The following OSBPL8 variants were observed in gnomAD, a reference collection of about 807,000 sequenced individuals.
OSBPL8 encodes oxysterol-binding protein-related protein 8.
A neutral mutation model predicts 125.5 loss-of-function variants in OSBPL8; 59 were observed. That is an observed-to-expected ratio of 0.47 (90% CI 0.38 to 0.58). The LOEUF (loss-of-function observed/expected upper bound fraction) is 0.58, where lower values mean the gene tolerates loss of function less well. OSBPL8 is among the 20% of genes least tolerant of loss of function. The probability of loss-of-function intolerance (pLI) is 0.00; values close to 1 mark genes in which losing one functional copy is unlikely to be tolerated. For missense variants in OSBPL8, 758 were observed against 1,047.8 expected (o/e 0.72, Z 3.82); for synonymous variants, 330 against 338.9 (o/e 0.97, Z 0.29).
chr12:76,353,713 AC>A lies in OSBPL8; in HGVS notation c.*2175del, dbSNP rs1951895147. ...CAGTTCATAGAAAGAGACTCATACA[AC>A]TAAAAGCATAATAAGAGGACTATTA... On this transcript the variant is annotated 3_prime_UTR_variant, in exon 24 of 24. Transcript: ENST00000261183. 6.6e-6 allele frequency: 1 copy of A among 152,412 alleles called. No individual in the cohort carries two copies. Among genetic ancestry groups the A allele is most frequent in the South Asian group, 2.1e-4 (1 of 4,838 alleles). The allele number at this position is 152,412 out of a possible 1,614,324, so 9.4% of individuals were successfully genotyped here. A position where few individuals can be genotyped will look rare whatever the true frequency, so the allele number is the denominator to read the frequency against.
At chr12:76,425,559 A>C (rs984271302) in intron 4 of OSBPL8, among the ~76,000 whole-genome samples, 3 of 152,170 alleles carry the variant, frequency 2.0e-5, no homozygotes, top group Non-Finnish European at 2.9e-5. Context: ...TGTCATTACC[A>C]AAAAGTCCCC....
chr12:76,431,974 G>A (rs1021918348), intron 4 of OSBPL8, among the ~76,000 whole-genome samples: 2 of 152,108 alleles, frequency 1.3e-5, no homozygotes, highest in African/African-American at 4.8e-5. Flanking sequence ...TAGATCCTAT[G>A]TTAGGTAACC....
intron 1 of OSBPL8, among the ~76,000 whole-genome samples, chr12:76,501,580 A>C (rs528481474): frequency 9.2e-5 from 14 of 152,364 alleles, no homozygotes; most frequent in African/African-American, 3.4e-4. Flanking sequence ...GATACTAGTC[A>C]GCCTCTTTCT....
chr12:76,424,048 T>C (rs1235913670), intron 4 of OSBPL8, among the ~76,000 whole-genome samples: 1 of 152,138 alleles, frequency 6.6e-6, no homozygotes, highest in Non-Finnish European at 1.5e-5. Flanking sequence ...TCGCCCAGGC[T>C]AGAGTGCAGT....
At chr12:76,389,973 A>C (rs967563581) in intron 11 of OSBPL8, 144 bp from the exon 12 acceptor site, 6 of 582,580 alleles carry the variant, frequency 1.0e-5, no homozygotes, top group Admixed American at 4.0e-5. Flanking sequence ...TAATAATAAA[A>C]TCTATAGCTA....
Position 76,545,793 on chromosome 12 carries a change from T to C in OSBPL8, c.-68+13604A>G, listed in dbSNP as rs535578251. On this transcript the variant is annotated intron_variant, in intron 1 of 23. Transcript: ENST00000261183. ...CAAACAGGAACTGTGAAAACCAACA[T>C]AATTTGTGAATTAAGAATAACTACC... Among the ~76,000 whole-genome samples, 6 of 152,294 alleles carry C rather than the reference T, an allele frequency of 3.9e-5. No homozygotes were observed. The South Asian group carries it at 1.2e-3, about 32-fold the overall frequency.
intron 4 of OSBPL8, among the ~76,000 whole-genome samples, chr12:76,418,301 G>C (rs1389724760): frequency 6.6e-6 from 1 of 152,028 alleles, no homozygotes; most frequent in Non-Finnish European, 1.5e-5. Flanking sequence ...CACTGTGCCA[G>C]GCCGATTTTC....
chr12:76,390,538 C>G lies in OSBPL8; in HGVS notation c.1049G>C (p.Ser350Thr), dbSNP rs1953513882. The G allele has an allele frequency of 6.2e-7, 1 of 1,613,724 alleles. No homozygotes were observed. Among genetic ancestry groups the G allele is most frequent in the Admixed American group, 1.7e-5 (1 of 60,000 alleles). ...TGATGTATCTGTGTCACTTTCTTCACTTTTCCCCATCACCTCATTATCAGA... is the reference window on the plus strand; with the variant it reads ...TGATGTATCTGTGTCACTTTCTTCAGTTTTCCCCATCACCTCATTATCAGA... ...DESDNEVMGKSEESDTDTSER... is the reference protein window; with the variant it reads ...DESDNEVMGKTEESDTDTSER... Residue 350 changes from serine to threonine, a missense_variant, in exon 11 of 24, where the codon AGT (serine) becomes ACT (threonine). Transcript: ENST00000261183.
rs1953510408 is a variant in OSBPL8, at chr12:76,390,454, G to A, written c.1133C>T (p.Thr378Ile). 1 of 1,613,580 alleles carries A rather than the reference G, an allele frequency of 6.2e-7. No homozygotes were observed. Among genetic ancestry groups the A allele is most frequent in the African/African-American group, 1.3e-5 (1 of 74,884 alleles). Residue 378 changes from threonine to isoleucine, a missense_variant, in exon 11 of 24, where the codon ACC becomes ATC. Thr to Ile is a moderately conservative substitution (Grantham distance 89). Transcript: ENST00000261183. ...PEPVEPLKET[T>I]YTEQSHEELG... ...TTCTTCATGGCTCTGTTCAGTGTAG[G>A]TAGTCTCCTTTAAAGGCTCAACAGG... is the stretch of plus-strand genomic sequence containing the variant.
intron 12 of OSBPL8, among the ~76,000 whole-genome samples, chr12:76,387,606 T>C (rs1953371131): frequency 1.3e-5 from 2 of 152,284 alleles, no homozygotes; most frequent in Admixed American, 6.5e-5. Flanking sequence ...TGTTTTCTGT[T>C]TGTAATGTAG....
intron 1 of OSBPL8, among the ~76,000 whole-genome samples, chr12:76,533,303 GA>G (rs58740174): frequency 3.6e-4 from 54 of 152,050 alleles, no homozygotes; most frequent in Middle Eastern, 3.4e-3. Context: ...ATCATAAGGA[GA>G]AAAAAATGTT....
intron 1 of OSBPL8, among the ~76,000 whole-genome samples, chr12:76,492,063 TAATA>T (rs1438691965): frequency 2.0e-5 from 3 of 151,866 alleles, no homozygotes; most frequent in Admixed American, 1.3e-4. Flanking sequence ...ACAATAAAAA[TAATA>T]AATTAATAAA....
chr12:76,487,046 T>TTA (rs1294998631), intron 2 of OSBPL8, among the ~76,000 whole-genome samples: 5 of 148,218 alleles, frequency 3.4e-5, no homozygotes, highest in African/African-American at 1.0e-4. Context: ...TTTTTTTTTT[T>TTA]AGAGACCGAG....
At chr12:76,536,725 T>C (rs938376972) in intron 1 of OSBPL8, among the ~76,000 whole-genome samples, 8 of 150,252 alleles carry the variant, frequency 5.3e-5, no homozygotes, top group Middle Eastern at 3.4e-3. Flanking sequence ...AATGGTAATG[T>C]GCAGAAGAAC....
intron 1 of OSBPL8, among the ~76,000 whole-genome samples, chr12:76,544,894 T>C (rs1396628551): frequency 6.6e-6 from 1 of 152,098 alleles, no homozygotes; most frequent in East Asian, 1.9e-4. Context: ...ATACCATCTA[T>C]TTATTTCAGA....
chr12:76,355,613 T>C lies in OSBPL8; in HGVS notation c.*276A>G. 3.5e-6 allele frequency: 1 copy of C among 287,530 alleles called. No individual in the cohort carries two copies. The highest frequency in any genetic ancestry group is 7.2e-5 in the East Asian group (1 of 13,950). 17.8% of individuals were successfully genotyped at this position (287,530 alleles called of 1,614,324 possible). ...GGAGTACATAAGAGACAATTGTGTA[T>C]ACATGTGGGTTTATTATACTCATAT... On this transcript the variant is annotated 3_prime_UTR_variant, in exon 24 of 24. Transcript: ENST00000261183.
intron 1 of OSBPL8, among the ~76,000 whole-genome samples, chr12:76,509,578 G>A (rs1880773802): frequency 6.6e-6 from 1 of 152,088 alleles, no homozygotes; most frequent in Non-Finnish European, 1.5e-5. Context: ...ATGCTTCCTA[G>A]AGTATACTAA....
chr12:76,553,106 A>AC (rs1178526674), intron 1 of OSBPL8, among the ~76,000 whole-genome samples: 1 of 151,922 alleles, frequency 6.6e-6, no homozygotes, highest in Non-Finnish European at 1.5e-5. Flanking sequence ...AAAGCACCCC[A>AC]CCTCATTACT....
chr12:76,469,236 T>C (rs192608792), intron 2 of OSBPL8, among the ~76,000 whole-genome samples: 1 of 152,324 alleles, frequency 6.6e-6, no homozygotes, highest in Admixed American at 6.5e-5. Context: ...ATCAGTTTCC[T>C]ACCTTAACCA....
Sources: gnomAD v4.1 joint callset for allele counts (sites outside exome capture counted in the v4.1 genomes callset) on GRCh38, gnomAD v4.1.1 for gene constraint, MANE v1.5 for transcripts, NCBI Gene and HGNC (gene_info 2026-07-23, HGNC 2026-07-21) for gene names.